Variants in TAOK3 observed in about 807,000 individuals in gnomAD.
TAOK3 encodes TAO kinase 3, also known as serine/threonine-protein kinase TAO3.
A neutral mutation model predicts 120.4 loss-of-function variants in TAOK3; 40 were observed. The ratio of observed to expected loss-of-function variants is 0.33; its 90% CI spans 0.26 to 0.43. TAOK3 has a LOEUF of 0.43. Among genes scored for constraint, TAOK3 ranks in the 20% least tolerant of loss-of-function variants. The pLI is 1.00. For synonymous variants in TAOK3, 355 were observed against 387.5 expected, an observed-to-expected ratio of 0.92 and a Z score of 0.99; for missense variants, 821 against 1,112.1, an observed-to-expected ratio of 0.74 and a Z score of 3.72.
intron 3 of TAOK3, among the ~76,000 whole-genome samples, chr12:118,245,905 A>G (rs1310334001): frequency 6.6e-6 from 1 of 152,268 alleles, no homozygotes; most frequent in East Asian, 1.9e-4. Context: ...ACCATATAAT[A>G]AAATAACCAC....
At chr12:118,369,499 T>C (rs2045840149) in intron 1 of TAOK3, among the ~76,000 whole-genome samples, 1 of 152,196 alleles carries the variant, frequency 6.6e-6, no homozygotes, top group Non-Finnish European at 1.5e-5. Context: ...GAAATAAATT[T>C]AATGTTTTGT....
intron 2 of TAOK3, among the ~76,000 whole-genome samples, chr12:118,260,965 G>A (rs1398321524): frequency 1.3e-5 from 2 of 152,214 alleles, no homozygotes; most frequent in African/African-American, 2.4e-5. Context: ...ACAAGTGTGA[G>A]CCACCACACC....
At chr12:118,237,978 G>C in intron 7 of TAOK3, 95 bp downstream of exon 7, 1 of 778,542 alleles carries the variant, frequency 1.3e-6, no homozygotes, top group Middle Eastern at 2.5e-4. Context: ...TGAATGCTTA[G>C]GCAACCTAAA....
At chr12:118,253,941 T>C (rs2040870457) in intron 3 of TAOK3, among the ~76,000 whole-genome samples, 1 of 151,398 alleles carries the variant, frequency 6.6e-6, no homozygotes, top group Admixed American at 6.6e-5. Flanking sequence ...CCCAGCTATG[T>C]GGAAGGCTGA....
intron 1 of TAOK3, 52 bp from the exon 2 acceptor site, chr12:118,266,811 A>C (rs1411506143): frequency 2.6e-6 from 1 of 390,996 alleles, no homozygotes; most frequent in African/African-American, 2.1e-5. Context: ...TTAAAGAATC[A>C]ATAATTGCTC....
rs182333945 is a variant in TAOK3, at chr12:118,301,806, C to A, written c.-193-35047G>T. Among the ~76,000 whole-genome samples, 1,103 of 144,016 alleles carry A rather than the reference C, an allele frequency of 7.7e-3. 9 individuals carry two copies. The highest frequency in any genetic ancestry group is 9.3e-3 in the Non-Finnish European group (625 of 67,058). 94.5% of individuals were successfully genotyped at this position (144,016 alleles called of 152,430 possible). A position where few individuals can be genotyped will look rare whatever the true frequency, so the allele number is the denominator to read the frequency against. On this transcript the variant is annotated intron_variant, in intron 1 of 20. Coordinates refer to ENST00000392533, the MANE Select transcript of TAOK3 (RefSeq NM_016281.4). Reference sequence around the variant, plus strand: ...GCAGTGAGCTGAGATTGTGCCACTGCACTCCAGCCTGGGCAACAGAGTGAG... The same window carrying A: ...GCAGTGAGCTGAGATTGTGCCACTGAACTCCAGCCTGGGCAACAGAGTGAG...
At chr12:118,347,478 C>T (rs577053398) in intron 1 of TAOK3, among the ~76,000 whole-genome samples, 61 of 152,280 alleles carry the variant, frequency 4.0e-4, no homozygotes, top group African/African-American at 1.4e-3. Flanking sequence ...CTTTTCCTGA[C>T]AGGAAGATGC....
At chr12:118,276,259 A>G (rs531147667) in intron 1 of TAOK3, among the ~76,000 whole-genome samples, 1 of 152,330 alleles carries the variant, frequency 6.6e-6, no homozygotes, top group Admixed American at 6.5e-5. Flanking sequence ...GGTAGAGGTA[A>G]TAAGAATTGG....
At chr12:118,338,786 C>CAAAAAAAAA (rs71069438) in intron 1 of TAOK3, among the ~76,000 whole-genome samples, 4 of 49,850 alleles carry the variant, frequency 8.0e-5, no homozygotes, top group Non-Finnish European at 1.2e-4. Context: ...GACTCCGTCT[C>CAAAAAAAAA]AAAAAAAAAA....
chr12:118,280,419 C>T (rs1430836959), intron 1 of TAOK3, among the ~76,000 whole-genome samples: 2 of 152,128 alleles, frequency 1.3e-5, no homozygotes, highest in Non-Finnish European at 2.9e-5. Context: ...ATATGGCTAG[C>T]CAGTTATCCC....
intron 16 of TAOK3, among the ~76,000 whole-genome samples, chr12:118,173,612 A>G (rs2036140428): frequency 6.6e-6 from 1 of 152,232 alleles, no homozygotes; most frequent in Non-Finnish European, 1.5e-5. Context: ...GAATTTTAGG[A>G]AAAAACATTC....
chr12:118,156,067 G>T (rs1242820418), intron 19 of TAOK3, among the ~76,000 whole-genome samples: 1 of 152,166 alleles, frequency 6.6e-6, no homozygotes, highest in African/African-American at 2.4e-5. Flanking sequence ...AACGCTTGTT[G>T]TATGCCACAC....
At chr12:118,193,049 GT>G (rs11380296) in intron 13 of TAOK3, among the ~76,000 whole-genome samples, 464 of 107,378 alleles carry the variant, frequency 4.3e-3, no homozygotes, top group African/African-American at 0.014. Context: ...CCACGTTGTT[GT>G]TTTTTTTTTT....
chr12:118,234,362 G>A (rs2039929968), intron 8 of TAOK3, among the ~76,000 whole-genome samples: 1 of 149,182 alleles, frequency 6.7e-6, no homozygotes, highest in South Asian at 2.1e-4. Flanking sequence ...CCGAGTAGCT[G>A]GGACTACAAG....
At chr12:118,293,884 G>C (rs911580857) in intron 1 of TAOK3, among the ~76,000 whole-genome samples, 3 of 148,122 alleles carry the variant, frequency 2.0e-5, no homozygotes, top group Non-Finnish European at 4.5e-5. Flanking sequence ...GCATGGTGGC[G>C]CACGCCTGTA....
chr12:118,238,081 C>A lies in TAOK3; in HGVS notation c.429G>T (p.Leu143Phe). ...HGLAYLHSHA[L>F]IHRDIKAGNI... ...CTGGTCTCTAATCTTACCTATGAAT[C>A]AATGCATGAGAATGTAGGTAGGCTA... The change falls in exon 7 of 21, where the codon TTG becomes TTT. Residue 143 changes from leucine to phenylalanine, a missense_variant. Physicochemically the swap from Leu to Phe is conservative, Grantham distance 22 (BLOSUM62 0). Coordinates refer to ENST00000392533, the MANE Select transcript of TAOK3 (RefSeq NM_016281.4). 6.3e-7 allele frequency: 1 copy of A among 1,591,694 alleles called. No homozygotes were observed.
intron 1 of TAOK3, among the ~76,000 whole-genome samples, chr12:118,303,888 T>A (rs1020607628): frequency 5.3e-5 from 8 of 152,342 alleles, no homozygotes; most frequent in Admixed American, 5.2e-4. Flanking sequence ...CCTCAGGTGA[T>A]CCACCTGCCT....
chr12:118,261,111 T>C (rs2041209582), intron 2 of TAOK3, among the ~76,000 whole-genome samples: 2 of 152,040 alleles, frequency 1.3e-5, no homozygotes, highest in South Asian at 4.1e-4. Context: ...ACAGGAACTA[T>C]CCAAAATAAA....
chr12:118,330,001 C>A (rs935689832), intron 1 of TAOK3, among the ~76,000 whole-genome samples: 2 of 152,192 alleles, frequency 1.3e-5, no homozygotes, highest in African/African-American at 4.8e-5. Context: ...GTATCAACAA[C>A]AACCCCAAAA....
Sources: gnomAD v4.1 joint callset for allele counts (sites outside exome capture counted in the v4.1 genomes callset) on GRCh38, gnomAD v4.1.1 for gene constraint, MANE v1.5 for transcripts, NCBI Gene and HGNC (gene_info 2026-07-23, HGNC 2026-07-21) for gene names.